Variants in C10orf90 observed in about 807,000 individuals in gnomAD.
The protein encoded by C10orf90 is chromosome 10 open reading frame 90.
Under a neutral mutation model 62.5 loss-of-function variants are expected in C10orf90, and 56 were observed. The ratio of observed to expected loss-of-function variants is 0.90; its 90% CI spans 0.72 to 1.12. The LOEUF (loss-of-function observed/expected upper bound fraction) is 1.12, where lower values mean the gene tolerates loss of function less well. Among genes scored for constraint, C10orf90 ranks in the 50% most tolerant of loss-of-function variants. The pLI, the probability that C10orf90 is intolerant of heterozygous loss-of-function variation, is 0.00. For synonymous variants in C10orf90, 386 were observed against 340.4 expected, an observed-to-expected ratio of 1.13 and a Z score of -1.47; for missense variants, 970 against 880.4, an observed-to-expected ratio of 1.10 and a Z score of -1.29.
intron 8 of C10orf90, 45 bp from the exon 9 acceptor site, chr10:126,426,135 T>G: frequency 4.1e-6 from 6 of 1,476,652 alleles, no homozygotes; most frequent in Non-Finnish European, 5.7e-6. Context: ...CTTGACAGCG[T>G]GCTCCCGCTG....
In C10orf90 at chr10:126,595,620, T is replaced by C. The variant is rs555851754; in HGVS notation, c.313+50945A>G. ...CTGGCCTGCAGGTCCGGTTCTGGCA[T>C]GGACTCACCTGCAAAACTACAACCT... On this transcript the variant is annotated intron_variant, in intron 2 of 9. Transcript: ENST00000488181. Among the ~76,000 whole-genome samples, 18 of 152,286 alleles carry C rather than the reference T, an allele frequency of 1.2e-4. No homozygotes were observed. The South Asian group carries it at 3.7e-3, about 32-fold the overall frequency.
At position 126,486,022 on chromosome 10, in the gene C10orf90, G is replaced by A. The variant is rs960049893; in HGVS notation, c.1534+17935C>T. On this transcript the variant is annotated intron_variant, in intron 4 of 9. Coordinates refer to ENST00000488181, the MANE Select transcript of C10orf90 (RefSeq NM_001350921.2). ...TATGGCTCAGCTGGCAAGAATGTAA[G>A]GAAATACTTCGGAGGCCAAGAAGAA... Among the ~76,000 whole-genome samples, 4 of 151,888 alleles carry A rather than the reference G, an allele frequency of 2.6e-5. No individual in the cohort carries two copies. The South Asian group carries it at 8.3e-4, about 31-fold the overall frequency.
chr10:126,650,693 T>A (rs1334559795), intron 1 of C10orf90, among the ~76,000 whole-genome samples: 1 of 152,236 alleles, frequency 6.6e-6, no homozygotes, highest in African/African-American at 2.4e-5. Flanking sequence ...GGCAAAGCTC[T>A]GATATTCACA....
intron 2 of C10orf90, among the ~76,000 whole-genome samples, chr10:126,604,425 A>G (rs1230249599): frequency 6.6e-6 from 1 of 152,232 alleles, no homozygotes; most frequent in Non-Finnish European, 1.5e-5. Flanking sequence ...AAAGAAAAAA[A>G]ATACACCATA....
At chr10:126,442,636 TA>T (rs1368541892) in intron 7 of C10orf90, among the ~76,000 whole-genome samples, 315 of 9,728 alleles carry the variant, frequency 0.032, 4 homozygotes, top group African/African-American at 0.092. Context: ...TGTGTGTGTA[TA>T]TATATATATA....
At chr10:126,649,040 C>G (rs866687912) in intron 1 of C10orf90, among the ~76,000 whole-genome samples, 345 of 23,788 alleles carry the variant, frequency 0.015, 1 homozygote, top group South Asian at 0.049. Context: ...CTCTGTCTCT[C>G]TCTCTCTCTC....
At chr10:126,591,389 A>G (rs944224321) in intron 2 of C10orf90, among the ~76,000 whole-genome samples, 2 of 152,362 alleles carry the variant, frequency 1.3e-5, no homozygotes, top group Non-Finnish European at 2.9e-5. Context: ...AGGTTGGTTC[A>G]ATATATGCAA....
Position 126,456,883 on chromosome 10 carries a change from G to A in C10orf90, c.2188+2157C>T, listed in dbSNP as rs951299404. ...GGCTGGACACGGGATTGACCACTGAGCCTCTAGAAAGTAACCAACCCTGTG... is the reference window on the plus strand; with the variant it reads ...GGCTGGACACGGGATTGACCACTGAACCTCTAGAAAGTAACCAACCCTGTG... On this transcript the variant is annotated intron_variant, in intron 7 of 9. Coordinates refer to ENST00000488181, the MANE Select transcript of C10orf90 (RefSeq NM_001350921.2). This position sits in a 1 kb window ranked among gnomAD's most constrained non-coding sequence, Gnocchi z 4.9. Among the ~76,000 whole-genome samples, 3 of 152,222 alleles carry A rather than the reference G, an allele frequency of 2.0e-5. No individual in the cohort carries two copies. Among genetic ancestry groups the A allele is most frequent in the African/African-American group, 7.2e-5 (3 of 41,450 alleles).
chr10:126,447,618 A>G (rs1460656093), intron 7 of C10orf90, among the ~76,000 whole-genome samples: 2 of 152,194 alleles, frequency 1.3e-5, no homozygotes, highest in Admixed American at 6.5e-5. Context: ...AGCAATGAAC[A>G]GATCATCTTG....
intron 2 of C10orf90, among the ~76,000 whole-genome samples, chr10:126,595,311 T>C (rs1420175353): frequency 2.6e-5 from 4 of 152,194 alleles, no homozygotes; most frequent in Admixed American, 6.5e-5. Context: ...CTGCTCCACA[T>C]TGACTGATAG....
intron 2 of C10orf90, among the ~76,000 whole-genome samples, chr10:126,631,838 A>G (rs1845855734): frequency 6.6e-6 from 1 of 151,874 alleles, no homozygotes; most frequent in Non-Finnish European, 1.5e-5. Context: ...GACAGTCACG[A>G]AAGAACCACA....
chr10:126,550,115 C>T (rs1864599691), intron 2 of C10orf90, among the ~76,000 whole-genome samples: 1 of 152,072 alleles, frequency 6.6e-6, no homozygotes, highest in Admixed American at 6.6e-5. Context: ...GCCACCACGC[C>T]TGGCTAATTT....
intron 4 of C10orf90, chr10:126,502,661 A>C (rs1158881561): frequency 2.8e-6 from 1 of 361,886 alleles, no homozygotes; most frequent in Non-Finnish European, 5.6e-6. Flanking sequence ...ACATGGTTTA[A>C]AAATGAGGAT....
chr10:126,453,390 A>G lies in C10orf90; in HGVS notation c.2188+5650T>C, dbSNP rs1279506584. Among the ~76,000 whole-genome samples, 1 of 152,206 alleles carries G rather than the reference A, an allele frequency of 6.6e-6. No individual in the cohort carries two copies. The highest frequency in any genetic ancestry group is 2.4e-5 in the African/African-American group (1 of 41,456). On this transcript the variant is annotated intron_variant, in intron 7 of 9. Transcript: ENST00000488181. This position sits in a 1 kb window ranked among gnomAD's most constrained non-coding sequence, Gnocchi z 4.9. ...AAGGCAGGTGATCTGGAGGGATGCA[A>G]GAATACCAAGATGCAAAGAGTGTTC...
chr10:126,463,819 C>T (rs1174136983), intron 5 of C10orf90, among the ~76,000 whole-genome samples: 1 of 152,246 alleles, frequency 6.6e-6, no homozygotes, highest in Non-Finnish European at 1.5e-5. Context: ...CTGACCGTTT[C>T]CTGTGCCAAC....
intron 2 of C10orf90, among the ~76,000 whole-genome samples, chr10:126,584,276 G>A (rs1259356799): frequency 6.6e-6 from 1 of 151,842 alleles, no homozygotes; most frequent in Non-Finnish European, 1.5e-5. Context: ...CTGTCTACCT[G>A]TCTGCCTGTC....
chr10:126,550,769 C>T (rs1269887427), intron 2 of C10orf90, among the ~76,000 whole-genome samples: 2 of 152,084 alleles, frequency 1.3e-5, no homozygotes, highest in African/African-American at 4.8e-5. Flanking sequence ...TCCAGCCTCC[C>T]AAAATGCTGG....
At chr10:126,667,533 G>A (rs1320292977) in intron 1 of C10orf90, among the ~76,000 whole-genome samples, 2 of 152,190 alleles carry the variant, frequency 1.3e-5, no homozygotes, top group Non-Finnish European at 2.9e-5. Flanking sequence ...GGACAGATGG[G>A]TGAGCCTTAG....
chr10:126,578,565 A>G (rs1032269687), intron 2 of C10orf90, among the ~76,000 whole-genome samples: 3 of 152,174 alleles, frequency 2.0e-5, no homozygotes, highest in African/African-American at 7.2e-5. Context: ...ACTCTGTAAA[A>G]TTATTTGGCA....
Sources: allele counts gnomAD v4.1 joint callset (sites outside exome capture counted in the v4.1 genomes callset), GRCh38; gene constraint gnomAD v4.1.1; non-coding constraint Gnocchi (gnomAD v3.1); transcripts MANE v1.5; gene names NCBI Gene and HGNC (gene_info 2026-07-23, HGNC 2026-07-21).